Variants in AKT3 observed in about 807,000 individuals in gnomAD.
AKT3 encodes the protein AKT serine/threonine kinase 3.
Under a neutral mutation model 65.3 loss-of-function variants are expected in AKT3, and 15 were observed. The ratio of observed to expected loss-of-function variants is 0.23; its 90% confidence interval spans 0.15 to 0.35. The LOEUF (loss-of-function observed/expected upper bound fraction) is 0.35, where lower values mean the gene tolerates loss of function less well. Among genes scored for constraint, AKT3 ranks in the 10% least tolerant of loss-of-function variants. The pLI is 1.00. For missense variants in AKT3, 243 were observed against 576.5 expected, an observed-to-expected ratio of 0.42 and a Z score of 5.92; for synonymous variants, 206 against 183.8, an observed-to-expected ratio of 1.12 and a Z score of -0.98.
intron 10 of AKT3, among the ~76,000 whole-genome samples, chr1:243,556,963 G>T (rs1304325105): frequency 6.6e-6 from 1 of 152,036 alleles, no homozygotes; most frequent in East Asian, 1.9e-4. Flanking sequence ...TGCTTTAATA[G>T]TTCTTAAGTG....
chr1:243,573,093 T>C (rs1317482113), intron 8 of AKT3, 45 bp from the exon 9 acceptor site: 1 of 1,601,312 alleles, frequency 6.2e-7, no homozygotes, highest in Non-Finnish European at 8.5e-7. Context: ...ATTACTGATT[T>C]AGTGGGGGAA....
intron 2 of AKT3, among the ~76,000 whole-genome samples, chr1:243,696,207 T>C (rs1685055534): frequency 6.6e-6 from 1 of 151,924 alleles, no homozygotes; most frequent in Non-Finnish European, 1.5e-5. Flanking sequence ...GACTGTAACT[T>C]GTTTAAGCAA....
chr1:243,786,690 G>C (rs1457601017), intron 2 of AKT3, among the ~76,000 whole-genome samples: 1 of 152,168 alleles, frequency 6.6e-6, no homozygotes, highest in East Asian at 1.9e-4. Flanking sequence ...ACGGGGTGGG[G>C]GGGTGCGCGG....
intron 2 of AKT3, among the ~76,000 whole-genome samples, chr1:243,835,007 G>C (rs562628445): frequency 2.0e-5 from 3 of 152,234 alleles, no homozygotes; most frequent in East Asian, 3.9e-4. Flanking sequence ...CATTGGAAGA[G>C]TCTTATATTT....
chr1:243,706,522 C>G (rs1412505334), intron 2 of AKT3, among the ~76,000 whole-genome samples: 5 of 152,134 alleles, frequency 3.3e-5, no homozygotes, highest in Admixed American at 3.3e-4. Flanking sequence ...AGACTCTTAC[C>G]AAGGAGTTTT....
chr1:243,849,827 A>G (rs1249410721), intron 1 of AKT3, among the ~76,000 whole-genome samples: 1 of 150,980 alleles, frequency 6.6e-6, no homozygotes, highest in Non-Finnish European at 1.5e-5. Flanking sequence ...CGCGCTGGGC[A>G]TCCCCCGGCC....
intron 5 of AKT3, among the ~76,000 whole-genome samples, chr1:243,643,908 T>C (rs1046448328): frequency 6.6e-6 from 1 of 152,242 alleles, no homozygotes; most frequent in Admixed American, 6.5e-5. Context: ...CATAAGGGTA[T>C]AGTTCTAGAA....
chr1:243,550,662 T>C (rs907504263), intron 11 of AKT3, among the ~76,000 whole-genome samples: 4 of 151,190 alleles, frequency 2.6e-5, no homozygotes, highest in South Asian at 2.1e-4. Context: ...TAGATAAAAG[T>C]CGGCTGGACA....
At chr1:243,549,786 A>C (rs1672917292) in intron 11 of AKT3, among the ~76,000 whole-genome samples, 1 of 152,174 alleles carries the variant, frequency 6.6e-6, no homozygotes, top group African/African-American at 2.4e-5. Flanking sequence ...TCTGTCCATG[A>C]CAAAGCTGCC....
intron 4 of AKT3, among the ~76,000 whole-genome samples, chr1:243,659,478 AT>A (rs1239828345): frequency 1.3e-5 from 2 of 152,140 alleles, no homozygotes; most frequent in East Asian, 3.9e-4. Context: ...GTTAAAAAAA[AT>A]AAGGGATATG....
chr1:243,649,876 G>A (rs1356879011), intron 4 of AKT3, among the ~76,000 whole-genome samples: 1 of 152,084 alleles, frequency 6.6e-6, no homozygotes, highest in South Asian at 2.1e-4. Flanking sequence ...ATAAACATAC[G>A]TGTGCATGTG....
chr1:243,493,217 T>G (rs1667003064), intron 13 of AKT3, among the ~76,000 whole-genome samples: 1 of 8,450 alleles, frequency 1.2e-4, no homozygotes, highest in African/African-American at 5.7e-4. Flanking sequence ...GCTGAAACCT[T>G]GGTGGTGGGG....
At chr1:243,658,807 T>G (rs1328467959) in intron 4 of AKT3, among the ~76,000 whole-genome samples, 1 of 149,868 alleles carries the variant, frequency 6.7e-6, no homozygotes. Flanking sequence ...GGAGGAGTAT[T>G]GCTTGAGGCC....
At chr1:243,834,607 G>A (rs1284074588) in intron 2 of AKT3, among the ~76,000 whole-genome samples, 2 of 151,948 alleles carry the variant, frequency 1.3e-5, no homozygotes, top group African/African-American at 2.4e-5. Context: ...GAAAGGTGAG[G>A]ATCTTAAAAC....
At chr1:243,656,295 A>C (rs1182630473) in intron 4 of AKT3, among the ~76,000 whole-genome samples, 1 of 152,168 alleles carries the variant, frequency 6.6e-6, no homozygotes, top group Non-Finnish European at 1.5e-5. Flanking sequence ...TCATACAAAA[A>C]TCAATTTTCA....
chr1:243,552,192 G>A (rs963714755), intron 11 of AKT3, among the ~76,000 whole-genome samples: 1 of 142,414 alleles, frequency 7.0e-6, no homozygotes, highest in East Asian at 2.2e-4. Context: ...GGGAGGCTGA[G>A]GCAGGAAAAT....
chr1:243,721,308 A>G (rs141376657), intron 2 of AKT3, among the ~76,000 whole-genome samples: 14 of 152,300 alleles, frequency 9.2e-5, no homozygotes, highest in Non-Finnish European at 1.9e-4. Context: ...ATTACAAGAG[A>G]GAGGCCAAGA....
intron 12 of AKT3, among the ~76,000 whole-genome samples, chr1:243,542,494 G>A (rs149000546): frequency 6.6e-6 from 1 of 152,018 alleles, no homozygotes; most frequent in African/African-American, 2.4e-5. Flanking sequence ...ATCACCTCTC[G>A]ATGTGCAGCA....
intron 10 of AKT3, among the ~76,000 whole-genome samples, chr1:243,554,285 A>T (rs910879022): frequency 2.0e-5 from 3 of 152,180 alleles, no homozygotes; most frequent in Non-Finnish European, 4.4e-5. Context: ...TAATTCAATT[A>T]TATCAATGTT....
Sources: allele counts gnomAD v4.1 joint callset (sites outside exome capture counted in the v4.1 genomes callset), GRCh38; gene constraint gnomAD v4.1.1; transcripts MANE v1.5; gene names NCBI Gene and HGNC (gene_info 2026-07-23, HGNC 2026-07-21).